Variants in RBFOX1 observed in about 807,000 individuals in gnomAD.
The protein encoded by RBFOX1 is RNA binding fox-1 homolog 1, also known as RNA binding protein fox-1 homolog 1.
RBFOX1 carries 8 observed loss-of-function variants against 57.7 expected under a neutral mutation model. That is an observed-to-expected ratio of 0.14 (90% CI 0.08 to 0.25). RBFOX1 has a LOEUF of 0.25. RBFOX1 is among the 10% of genes least tolerant of loss of function. The probability of loss-of-function intolerance (pLI) is 1.00; values close to 1 mark genes in which losing one functional copy is unlikely to be tolerated. For synonymous variants in RBFOX1, 326 were observed against 222.4 expected (o/e 1.47, Z -4.15); for missense variants, 611 against 548.5 (o/e 1.11, Z -1.14).
At chr16:6,473,141 A>C (rs8060506) in intron 2 of RBFOX1, among the ~76,000 whole-genome samples, 43,716 of 151,744 alleles carry the variant, frequency 0.29, 6,536 homozygotes, top group Middle Eastern at 0.36. Context: ...AATAAAATTT[A>C]CCTCCTGACT....
chr16:6,144,131 A>C (rs1411434572), intron 1 of RBFOX1, among the ~76,000 whole-genome samples: 1 of 152,052 alleles, frequency 6.6e-6, no homozygotes, highest in Non-Finnish European at 1.5e-5. Context: ...ACTAGTTCTG[A>C]AGCATGTATT....
intron 2 of RBFOX1, among the ~76,000 whole-genome samples, chr16:5,590,100 G>C (rs2151180219): frequency 6.6e-6 from 1 of 152,218 alleles, no homozygotes; most frequent in East Asian, 1.9e-4. Context: ...GGTGTTATTT[G>C]GGCTAAATTG....
intron 2 of RBFOX1, among the ~76,000 whole-genome samples, chr16:6,394,282 A>G (rs2092727103): frequency 6.6e-6 from 1 of 152,202 alleles, no homozygotes; most frequent in African/African-American, 2.4e-5. Flanking sequence ...TGATCGAGGC[A>G]TATTGTGGAG....
intron 4 of RBFOX1, among the ~76,000 whole-genome samples, chr16:5,869,833 G>A (rs1280662516): frequency 6.6e-6 from 1 of 152,148 alleles, no homozygotes; most frequent in Admixed American, 6.5e-5. Flanking sequence ...ATGCCCAAGA[G>A]AAACGGTGCT....
chr16:7,244,270 A>C (rs1361645406), intron 4 of RBFOX1, among the ~76,000 whole-genome samples: 3 of 130,952 alleles, frequency 2.3e-5, no homozygotes, highest in Non-Finnish European at 4.8e-5. Flanking sequence ...AAAAAAAAAA[A>C]ACACCCTTGG....
chr16:6,695,891 A>C (rs1036550995), intron 3 of RBFOX1, among the ~76,000 whole-genome samples: 17 of 152,146 alleles, frequency 1.1e-4, no homozygotes, highest in Non-Finnish European at 2.4e-4. Context: ...CCGTGAATCT[A>C]TGGGAGGAAA....
chr16:7,204,513 A>C (rs1414361367), intron 4 of RBFOX1, among the ~76,000 whole-genome samples: 1 of 152,128 alleles, frequency 6.6e-6, no homozygotes, highest in Non-Finnish European at 1.5e-5. Flanking sequence ...AGGCATGGTG[A>C]TATGCACCTG....
At position 6,501,528 on chromosome 16, in the gene RBFOX1, C is replaced by G. The variant is rs534319022; in HGVS notation, c.-63-153075C>G. Among the ~76,000 whole-genome samples, 3 of 152,076 alleles carry G rather than the reference C, an allele frequency of 2.0e-5. No homozygotes were observed. In the East Asian group the frequency reaches 5.8e-4, roughly 30 times the overall value. ...TGTATATGTGCCACATTTTCTTAAT[C>G]CAGTCTATCATTGTTGGACATTTGG... is the stretch of plus-strand genomic sequence containing the variant. On this transcript the variant is annotated intron_variant, in intron 2 of 15. Transcript: ENST00000550418.
chr16:5,719,229 A>C (rs558830228), intron 3 of RBFOX1, among the ~76,000 whole-genome samples: 1 of 131,014 alleles, frequency 7.6e-6, no homozygotes, highest in African/African-American at 2.9e-5. Context: ...TTTGAGACGG[A>C]GTCTTGCCAT....
chr16:6,042,079 C>CATCTCCACAGTT (rs1199428232), intron 1 of RBFOX1, among the ~76,000 whole-genome samples: 2 of 151,232 alleles, frequency 1.3e-5, no homozygotes, highest in Non-Finnish European at 2.9e-5. Flanking sequence ...TCTCCACAGT[C>CATCTCCACAGTT]TCATCTCCTG....
At position 5,609,789 on chromosome 16, in the gene RBFOX1, G is replaced by A. The variant is rs558470102; in HGVS notation, c.318+10828G>A. ...TGTTAATCTCATAATATTTTTTATC[G>A]GCCACCTACTTTGTGCAGAGCACTG... is the stretch of plus-strand genomic sequence containing the variant. On this transcript the variant is annotated intron_variant, in intron 3 of 19. Transcript: ENST00000641259. Among the ~76,000 whole-genome samples, 3 of 151,568 alleles carry A rather than the reference G, an allele frequency of 2.0e-5. No homozygotes were observed. In the South Asian group the frequency reaches 6.3e-4, roughly 32 times the overall value.
At chr16:5,856,575 G>GTATA (rs375112636) in intron 3 of RBFOX1, among the ~76,000 whole-genome samples, 1,478 of 32,906 alleles carry the variant, frequency 0.045, 141 homozygotes, top group African/African-American at 0.065. Flanking sequence ...GTGTGTGTGT[G>GTATA]TATATATATA....
At chr16:7,475,735 T>G (rs1479244162) in intron 4 of RBFOX1, among the ~76,000 whole-genome samples, 1 of 152,194 alleles carries the variant, frequency 6.6e-6, no homozygotes, top group East Asian at 1.9e-4. Flanking sequence ...TGAACCTATC[T>G]GGGCCTCAGA....
chr16:6,013,715 A>G (rs1348365677), intron 4 of RBFOX1, among the ~76,000 whole-genome samples: 3 of 152,158 alleles, frequency 2.0e-5, no homozygotes, highest in East Asian at 1.9e-4. Context: ...TTATGGCTGC[A>G]TAGTATTCCA....
At chr16:6,680,244 T>G (rs866206135) in intron 3 of RBFOX1, among the ~76,000 whole-genome samples, 12 of 151,574 alleles carry the variant, frequency 7.9e-5, no homozygotes, top group South Asian at 4.2e-4. Context: ...ATGAGTATGA[T>G]TCCTGTCTTT....
At chr16:6,582,650 CT>C (rs2097552081) in intron 2 of RBFOX1, among the ~76,000 whole-genome samples, 2 of 151,886 alleles carry the variant, frequency 1.3e-5, no homozygotes, top group South Asian at 4.2e-4. Context: ...AGGATTTAGT[CT>C]TTTTTTCTCT....
In RBFOX1 at chr16:6,137,951, A is replaced by G. The variant is rs186973353; in HGVS notation, c.-127+117959A>G. On this transcript the variant is annotated intron_variant, in intron 1 of 15. Transcript: ENST00000550418. Reference sequence around the variant, plus strand: ...GTACAAACAGTTATCTCCATTTTATATGCAACTAAACTGAGGTTCAGTTAT... The same window carrying G: ...GTACAAACAGTTATCTCCATTTTATGTGCAACTAAACTGAGGTTCAGTTAT... Among the ~76,000 whole-genome samples the G allele has an allele frequency of 3.7e-3, 558 of 152,200 alleles. 2 individuals carry two copies. The highest frequency in any genetic ancestry group is 0.013 in the African/African-American group (520 of 41,538).
At chr16:6,931,469 A>T (rs117078959) in intron 3 of RBFOX1, among the ~76,000 whole-genome samples, 13 of 152,264 alleles carry the variant, frequency 8.5e-5, no homozygotes, top group South Asian at 8.3e-4. Context: ...TGCAGGGTAT[A>T]ATCCCAGAAG....
At chr16:7,125,783 G>T (rs2068361990) in intron 4 of RBFOX1, among the ~76,000 whole-genome samples, 1 of 151,948 alleles carries the variant, frequency 6.6e-6, no homozygotes, top group Admixed American at 6.6e-5. Flanking sequence ...AAACGATTAA[G>T]GTTTAATTTA....
Sources: allele counts gnomAD v4.1 joint callset (sites outside exome capture counted in the v4.1 genomes callset), GRCh38; gene constraint gnomAD v4.1.1; transcripts MANE v1.5; gene names NCBI Gene and HGNC (gene_info 2026-07-23, HGNC 2026-07-21).